RAD23B: variants seen among roughly 807,000 people sequenced by gnomAD.
The protein encoded by RAD23B is lysine-specific demethylase RAD23B.
In RAD23B, 5 loss-of-function variants were observed where a neutral mutation model predicts 49.1. The observed-to-expected ratio is 0.10, with a 90% CI of 0.05 to 0.21. The LOEUF is 0.21. Ranked by LOEUF, RAD23B falls within the 10% of genes least tolerant of loss-of-function variation. The pLI, the probability that RAD23B is intolerant of heterozygous loss-of-function variation, is 1.00. For synonymous variants in RAD23B, 184 were observed against 165.4 expected, an observed-to-expected ratio of 1.11 and a Z score of -0.86; for missense variants, 356 against 486.7, an observed-to-expected ratio of 0.73 and a Z score of 2.53.
At chr9:107,300,023 G>A in intron 1 of RAD23B, 118 bp from the exon 2 acceptor site, 1 of 1,246,680 alleles carries the variant, frequency 8.0e-7, no homozygotes, top group South Asian at 1.6e-5. Flanking sequence ...TAATATTTGA[G>A]GTTTTGGAAA....
At chr9:107,313,610 G>A (rs1826932145) in intron 5 of RAD23B, among the ~76,000 whole-genome samples, 1 of 152,122 alleles carries the variant, frequency 6.6e-6, no homozygotes, top group Admixed American at 6.6e-5. Context: ...TTTAAATTAT[G>A]GGAATGACCA....
chr9:107,312,359 TGGCA>T (rs1826905062), intron 5 of RAD23B, among the ~76,000 whole-genome samples: 1 of 152,182 alleles, frequency 6.6e-6, no homozygotes, highest in East Asian at 1.9e-4. Flanking sequence ...TACTTTTAAA[TGGCA>T]GGGAGGGAGA....
intron 6 of RAD23B, among the ~76,000 whole-genome samples, chr9:107,320,951 C>T (rs776361645): frequency 4.7e-4 from 71 of 152,110 alleles, no homozygotes; most frequent in Non-Finnish European, 8.5e-4. Context: ...GGAATGGAAG[C>T]ATTTATCATC....
At chr9:107,301,103 A>C (rs554577542) in intron 2 of RAD23B, among the ~76,000 whole-genome samples, 13 of 152,338 alleles carry the variant, frequency 8.5e-5, no homozygotes, top group African/African-American at 2.9e-4. Flanking sequence ...TTCATGTAGC[A>C]AGAAACACTA....
At chr9:107,286,121 A>G (rs1362028039) in intron 1 of RAD23B, among the ~76,000 whole-genome samples, 1 of 152,118 alleles carries the variant, frequency 6.6e-6, no homozygotes, top group East Asian at 1.9e-4. Context: ...TTTAATTTTT[A>G]CCTAGAAGGA....
At position 107,284,002 on chromosome 9, in the gene RAD23B, A is replaced by C. The variant is rs916859482; in HGVS notation, c.66+307A>C. On this transcript the variant is annotated intron_variant, in intron 1 of 9. Transcript: ENST00000358015. ...CTAGCGGGGCCGGAGGGGGATGGGA[A>C]GGTCCAGGCCGTCTCAGCCGTAGAG... The C allele has an allele frequency of 4.6e-6, 5 of 1,094,508 alleles. No individual in the cohort carries two copies. In the African/African-American group the frequency reaches 8.3e-5, roughly 18 times the overall value. The allele number at this position is 1,094,508 out of a possible 1,614,324, so 67.8% of individuals were successfully genotyped here.
intron 6 of RAD23B, among the ~76,000 whole-genome samples, chr9:107,320,853 G>A (rs1053766174): frequency 6.6e-6 from 1 of 152,126 alleles, no homozygotes; most frequent in African/African-American, 2.4e-5. Context: ...TTTAATGCCT[G>A]GAGTGACATC....
chr9:107,302,538 CTTA>C (rs1164713040), intron 3 of RAD23B, among the ~76,000 whole-genome samples: 4 of 151,606 alleles, frequency 2.6e-5, no homozygotes, highest in Admixed American at 1.3e-4. Flanking sequence ...GGCATGAAAG[CTTA>C]TTATTACAGT....
intron 3 of RAD23B, among the ~76,000 whole-genome samples, chr9:107,306,045 T>TA (rs1564245432): frequency 0.034 from 912 of 26,670 alleles, 41 homozygotes; most frequent in Non-Finnish European, 0.043. Flanking sequence ...ATGATACGGT[T>TA]TATATCTATA....
At chr9:107,310,199 C>A (rs1267782361) in intron 4 of RAD23B, among the ~76,000 whole-genome samples, 1 of 151,914 alleles carries the variant, frequency 6.6e-6, no homozygotes, top group Non-Finnish European at 1.5e-5. Context: ...AGAATGACCC[C>A]TCATACTGTA....
chr9:107,329,302 AC>A (rs1827265064), intron 9 of RAD23B, among the ~76,000 whole-genome samples: 1 of 152,186 alleles, frequency 6.6e-6, no homozygotes, highest in East Asian at 1.9e-4. Flanking sequence ...AGAAACAAAG[AC>A]TTTTTTAGGT....
rs1236538761 is a variant in RAD23B at position 107,283,626 on chromosome 9, C to T, written c.-4C>T. ...GCCCGGCAGCCGAGCTGCGCGGCGG[C>T]ACCATGCAGGTCACCCTGAAGACCC... On this transcript the variant is annotated 5_prime_UTR_variant, in exon 1 of 10. Transcript: ENST00000358015. 4 of 1,478,056 alleles carry T rather than the reference C, an allele frequency of 2.7e-6. No homozygotes were observed. In the South Asian group the frequency reaches 3.8e-5, roughly 14 times the overall value. The allele number at this position is 1,478,056 out of a possible 1,614,324, so 91.6% of individuals were successfully genotyped here. A position where few individuals can be genotyped will look rare whatever the true frequency, so the allele number is the denominator to read the frequency against.
chr9:107,304,207 A>G (rs1826714588), intron 3 of RAD23B, among the ~76,000 whole-genome samples: 1 of 152,216 alleles, frequency 6.6e-6, no homozygotes, highest in Admixed American at 6.5e-5. Context: ...AGAATAAAGT[A>G]TAAGTAGCTG....
chr9:107,283,679 T>C lies in RAD23B; in HGVS notation c.50T>C (p.Ile17Thr), dbSNP rs1833205141. 2 of 1,477,804 alleles carry C rather than the reference T, an allele frequency of 1.4e-6. No homozygotes were observed. The highest frequency in any genetic ancestry group is 2.3e-5 in the Admixed American group (1 of 42,600). 91.5% of individuals were successfully genotyped at this position (1,477,804 alleles called of 1,614,324 possible). Residue 17 changes from isoleucine to threonine, a missense_variant, in exon 1 of 10, where the codon ATT (isoleucine) becomes ACT (threonine). This residue lies in a region of RAD23B where 31 missense variants were observed against 23.5 expected (regional missense o/e 1.32). Transcript: ENST00000358015. ...CAGCAGCAGACCTTCAAGATAGACA[T>C]TGACCCCGAGGAGACGGTATGCGCG... ...TLQQQTFKID[I>T]DPEETVKALK...
intron 2 of RAD23B, among the ~76,000 whole-genome samples, chr9:107,300,709 C>A (rs1826632742): frequency 6.6e-6 from 1 of 151,998 alleles, no homozygotes. Context: ...AATAAAGCAA[C>A]AAAGGATAAG....
chr9:107,305,018 G>A (rs188807662), intron 3 of RAD23B, among the ~76,000 whole-genome samples: 66 of 152,326 alleles, frequency 4.3e-4, no homozygotes, highest in African/African-American at 1.5e-3. Flanking sequence ...GCCAGGTGTG[G>A]TGGCTGATGC....
rs908080037 is a variant in RAD23B, at chr9:107,318,997, CT to C, written c.681+128del. The C allele has an allele frequency of 4.6e-3, 3,997 of 874,024 alleles. No homozygotes were observed. The highest frequency in any genetic ancestry group is 6.3e-3 in the East Asian group (179 of 28,568). 54.1% of individuals were successfully genotyped at this position (874,024 alleles called of 1,614,324 possible). On this transcript the variant is annotated intron_variant, in intron 6 of 9. Transcript: ENST00000358015. This position sits in a 1 kb window ranked among gnomAD's most constrained non-coding sequence, Gnocchi z 4.3. ...TATATGCTAGATGATATACATAATG[CT>C]TTTTTTTTTCTAGTATGTTTGTATT...
At chr9:107,312,718 A>G (rs944746388) in intron 5 of RAD23B, among the ~76,000 whole-genome samples, 5 of 152,228 alleles carry the variant, frequency 3.3e-5, no homozygotes, top group African/African-American at 1.2e-4. Flanking sequence ...AAAGAGGGAA[A>G]GGCTTAATCT....
At chr9:107,306,136 G>T (rs41555117) in intron 3 of RAD23B, among the ~76,000 whole-genome samples, 8,515 of 145,422 alleles carry the variant, frequency 0.059, 369 homozygotes, top group South Asian at 0.12. Flanking sequence ...GATGGAAATT[G>T]TTGGGTAAAA....
Sources: gnomAD v4.1 joint callset for allele counts (sites outside exome capture counted in the v4.1 genomes callset) on GRCh38, gnomAD v4.1.1 for gene constraint, gnomAD v4.1.1 regional missense constraint, Gnocchi (gnomAD v3.1) non-coding constraint, MANE v1.5 for transcripts, NCBI Gene and HGNC (gene_info 2026-07-23, HGNC 2026-07-21) for gene names.